DDX6: variants seen among roughly 807,000 people sequenced by gnomAD.
DDX6 encodes DEAD-box helicase 6.
Under a neutral mutation model 60.6 loss-of-function variants are expected in DDX6, and 7 were observed. The observed-to-expected ratio is 0.12, with a 90% CI of 0.07 to 0.22. DDX6 has a LOEUF of 0.22. Ranked by LOEUF, DDX6 falls within the 10% of genes least tolerant of loss-of-function variation. The pLI is 1.00. For missense variants in DDX6, 270 were observed against 589.9 expected, an observed-to-expected ratio of 0.46 and a Z score of 5.62; for synonymous variants, 207 against 201.0, an observed-to-expected ratio of 1.03 and a Z score of -0.25.
chr11:118,785,771 A>G (rs1337026702), intron 2 of DDX6: 2 of 279,538 alleles, frequency 7.2e-6, no homozygotes, highest in Non-Finnish European at 1.3e-5. Flanking sequence ...AACTAAGCTA[A>G]TAACTTTTAC....
intron 5 of DDX6, among the ~76,000 whole-genome samples, chr11:118,766,648 A>C (rs1313537068): frequency 8.5e-5 from 13 of 152,134 alleles, no homozygotes; most frequent in African/African-American, 3.1e-4. Context: ...GCTGAAGTGC[A>C]GTGGCTGCCA....
chr11:118,782,410 T>TAA (rs782394238), intron 2 of DDX6, among the ~76,000 whole-genome samples: 7 of 139,576 alleles, frequency 5.0e-5, no homozygotes, highest in Admixed American at 1.4e-4. Context: ...AAAGCATCTT[T>TAA]AAAAAAAAAA....
At chr11:118,781,264 T>A in intron 2 of DDX6, 80 bp from the exon 3 acceptor site, 6 of 904,306 alleles carry the variant, frequency 6.6e-6, no homozygotes, top group Non-Finnish European at 8.6e-6. Flanking sequence ...TATAATTAAG[T>A]GTTAAAAAAG....
chr11:118,755,765 G>C (rs1252583753), intron 11 of DDX6, among the ~76,000 whole-genome samples: 1 of 151,676 alleles, frequency 6.6e-6, no homozygotes, highest in Non-Finnish European at 1.5e-5. Flanking sequence ...TGTAATCCCA[G>C]CACTTTGGGA....
chr11:118,758,946 A>G (rs1555159602), intron 8 of DDX6, 44 bp from the exon 9 acceptor site: 2 of 1,609,198 alleles, frequency 1.2e-6, no homozygotes, highest in East Asian at 4.5e-5. Context: ...TCTTAAATGA[A>G]AGCAGAGTTC....
chr11:118,762,590 T>C (rs1196982083), intron 7 of DDX6, among the ~76,000 whole-genome samples: 2 of 152,176 alleles, frequency 1.3e-5, no homozygotes, highest in Non-Finnish European at 2.9e-5. Context: ...AGTTTGCTGC[T>C]GATGCCCAGC....
chr11:118,781,127 T>C lies in DDX6; in HGVS notation c.258A>G (p.Lys86=). The C allele has an allele frequency of 1.9e-6, 3 of 1,601,588 alleles. No homozygotes were observed. The highest frequency in any genetic ancestry group is 1.7e-6 in the Non-Finnish European group (2 of 1,171,874). Residue 86 remains lysine (K), a synonymous_variant, in exon 3 of 14, where the codon AAA becomes AAG. Coordinates refer to ENST00000534980, the MANE Select transcript of DDX6 (RefSeq NM_004397.6). ...LKLPPKDLRI[K]TSDVTSTKGN... is the part of the protein sequence containing the mutation. ...TATTTTACAACCAACTTACCGAAGT[T>C]TTGATTCTTAGATCCTTTGGAGGGA... is the stretch of plus-strand genomic sequence containing the variant.
At chr11:118,791,015 T>TCTCGCC (rs1194284496) in intron 1 of DDX6, 83 bp downstream of exon 1, 1 of 24,790 alleles carries the variant, frequency 4.0e-5, no homozygotes, top group Non-Finnish European at 8.3e-5. Flanking sequence ...TACGGCCTCC[T>TCTCGCC]CTCGCCCCCG....
rs930252830 is a variant in DDX6, at chr11:118,786,355, T to C, written c.-104A>G. On this transcript the variant is annotated 5_prime_UTR_variant, in exon 2 of 14. Transcript: ENST00000534980. Reference sequence around the variant, plus strand: ...GCTCTCCAAAATGAAGAGATAAATATAAGTCTTGCTCAATAAATGAGTCCT... The same window carrying C: ...GCTCTCCAAAATGAAGAGATAAATACAAGTCTTGCTCAATAAATGAGTCCT... 2.0e-6 allele frequency: 2 copies of C among 1,006,278 alleles called. No individual in the cohort carries two copies. The highest frequency in any genetic ancestry group is 1.6e-5 in the African/African-American group (1 of 61,550). The allele number at this position is 1,006,278 out of a possible 1,614,324, so 62.3% of individuals were successfully genotyped here.
At chr11:118,775,277 T>G (rs962060132) in intron 4 of DDX6, among the ~76,000 whole-genome samples, 28 of 151,952 alleles carry the variant, frequency 1.8e-4, no homozygotes, top group Admixed American at 1.7e-3. Flanking sequence ...GAGCACACCA[T>G]TGCACTCCAG....
At position 118,765,143 on chromosome 11, in the gene DDX6, A is replaced by T. The variant is rs1861307784; in HGVS notation, c.646+66T>A. On this transcript the variant is annotated intron_variant, in intron 6 of 13. Transcript: ENST00000534980. The stretch of plus-strand genomic sequence containing the variant: ...TAATTCTTAAAAACAATTTTTAATA[A>T]TTTACTGAAATACTTGTGACTAAAA... 7.1e-6 allele frequency: 11 copies of T among 1,556,686 alleles called. No individual in the cohort carries two copies. The Admixed American group carries it at 2.0e-4, about 28-fold the overall frequency.
intron 2 of DDX6, among the ~76,000 whole-genome samples, chr11:118,782,598 T>C (rs782096029): frequency 2.0e-4 from 30 of 152,016 alleles, no homozygotes; most frequent in African/African-American, 4.6e-4. Flanking sequence ...TACTCTAACA[T>C]TGGTAACTTT....
chr11:118,779,317 GA>G (rs774023266), intron 4 of DDX6, among the ~76,000 whole-genome samples: 1 of 151,922 alleles, frequency 6.6e-6, no homozygotes, highest in African/African-American at 2.4e-5. Context: ...CTGTATAGAA[GA>G]AAAAAACTGC....
intron 2 of DDX6, among the ~76,000 whole-genome samples, chr11:118,782,290 ATCTT>A (rs1457708405): frequency 3.9e-5 from 6 of 152,206 alleles, no homozygotes; most frequent in South Asian, 2.1e-4. Context: ...GCATCTCTTA[ATCTT>A]TCTTTTTTAT....
intron 1 of DDX6, chr11:118,789,859 GAGA>G (rs1862205547): frequency 1.3e-5 from 2 of 152,244 alleles, no homozygotes; most frequent in Middle Eastern, 3.4e-3. Flanking sequence ...CTTTTTCTCA[GAGA>G]AGGAAATATT....
chr11:118,751,075 A>G lies in DDX6; in HGVS notation c.*1030T>C, dbSNP rs1555157173. 1 of 139,292 alleles carries G rather than the reference A, an allele frequency of 7.2e-6. No homozygotes were observed. Among genetic ancestry groups the G allele is most frequent in the African/African-American group, 2.7e-5 (1 of 37,458 alleles). The allele number at this position is 139,292 out of a possible 1,614,324, so 8.6% of individuals were successfully genotyped here. A position where few individuals can be genotyped will look rare whatever the true frequency, so the allele number is the denominator to read the frequency against. On this transcript the variant is annotated 3_prime_UTR_variant, in exon 14 of 14. Coordinates refer to ENST00000534980, the MANE Select transcript of DDX6 (RefSeq NM_004397.6). ...AAAAAATATATATATATGTATATAT[A>G]TATATATATATGAACCCAGAAAAAA...
At chr11:118,776,190 C>CT (rs1565574323) in intron 4 of DDX6, among the ~76,000 whole-genome samples, 1 of 152,124 alleles carries the variant, frequency 6.6e-6, no homozygotes, top group Admixed American at 6.6e-5. Context: ...AACTAATTTC[C>CT]TTTTTTGAAA....
At chr11:118,773,289 G>A (rs1270245285) in intron 4 of DDX6, among the ~76,000 whole-genome samples, 1 of 152,166 alleles carries the variant, frequency 6.6e-6, no homozygotes, top group African/African-American at 2.4e-5. Context: ...ATGGTTAAAG[G>A]CCGGGCGCGG....
intron 4 of DDX6, among the ~76,000 whole-genome samples, chr11:118,769,868 C>T (rs942155316): frequency 1.3e-5 from 2 of 151,874 alleles, no homozygotes; most frequent in African/African-American, 4.8e-5. Flanking sequence ...CCACACCCGG[C>T]TAATTTTTTT....
Sources: allele counts gnomAD v4.1 joint callset (sites outside exome capture counted in the v4.1 genomes callset), GRCh38; gene constraint gnomAD v4.1.1; transcripts MANE v1.5; gene names NCBI Gene and HGNC (gene_info 2026-07-23, HGNC 2026-07-21).